The following FCN3 variants were observed in gnomAD, a reference collection of about 807,000 sequenced individuals.
The protein encoded by FCN3 is ficolin-3.
A neutral mutation model predicts 31.5 loss-of-function variants in FCN3; 28 were observed. The observed-to-expected ratio is 0.89, with a 90% confidence interval of 0.66 to 1.22. FCN3 has a LOEUF of 1.22. FCN3 is among the 50% of genes most tolerant of loss of function. The pLI is 0.00. For synonymous variants in FCN3, 124 were observed against 147.4 expected, an observed-to-expected ratio of 0.84 and a Z score of 1.15; for missense variants, 351 against 386.8, an observed-to-expected ratio of 0.91 and a Z score of 0.78.
intron 4 of FCN3, 57 bp from the exon 5 acceptor site, chr1:27,373,320 C>T: frequency 1.2e-6 from 2 of 1,609,810 alleles, no homozygotes; most frequent in Non-Finnish European, 1.7e-6. Flanking sequence ...ACCCCCACCC[C>T]CAGGCACTGG....
intron 7 of FCN3, chr1:27,370,392 G>A (rs1411052879): frequency 5.1e-6 from 3 of 588,968 alleles, no homozygotes; most frequent in African/African-American, 1.9e-5. Flanking sequence ...CTAAATGGCA[G>A]AGATGGATTC....
In FCN3 at chr1:27,374,339, TC is replaced by T. The variant is rs759739873; in HGVS notation, c.187+16del. 26 of 1,580,536 alleles carry T rather than the reference TC, an allele frequency of 1.6e-5. No homozygotes were observed. Among genetic ancestry groups the T allele is most frequent in the Non-Finnish European group, 2.3e-5 (26 of 1,150,692 alleles). On this transcript the variant is annotated intron_variant, in intron 2 of 7. Transcript: ENST00000270879. Reference sequence around the variant, plus strand: ...CCCCATTCCCAAGATCCCAGCCCGCTCCCCAGCCCCTCTCACCTTGAGGACC... The same window carrying T: ...CCCCATTCCCAAGATCCCAGCCCGCTCCCAGCCCCTCTCACCTTGAGGACC...
chr1:27,374,279 C>T (rs1258924335), intron 2 of FCN3, 77 bp downstream of exon 2: 6 of 1,096,698 alleles, frequency 5.5e-6, no homozygotes, highest in Non-Finnish European at 6.9e-6. Flanking sequence ...GTCGTGGCCC[C>T]TCAGCACAGA....
chr1:27,370,526 T>C, intron 7 of FCN3, 70 bp downstream of exon 7: 1 of 1,387,292 alleles, frequency 7.2e-7, no homozygotes, highest in Non-Finnish European at 1.0e-6. Flanking sequence ...CCCTGGGTCA[T>C]TCATGGGGGC....
At position 27,374,412 on chromosome 1, in the gene FCN3, G is replaced by A; in HGVS notation, c.131C>T (p.Pro44Leu). 1 of 1,613,876 alleles carries A rather than the reference G, an allele frequency of 6.2e-7. No homozygotes were observed. ...ACTTCCTGGAGCTCCGGGACAACTG[G>A]GCAGGAGGACAACTTTGCTGGCTTC... ...ELEASKVVLL[P>L]SCPGAPGSPG... Residue 44 changes from proline to leucine, a missense_variant, in exon 2 of 8, where the codon CCC becomes CTC. By Grantham distance (98) the Pro-to-Leu change is moderately conservative (BLOSUM62 -3). Transcript: ENST00000270879.
intron 1 of FCN3, 87 bp from the exon 2 acceptor site, chr1:27,374,538 CA>C: frequency 1.0e-6 from 1 of 954,522 alleles, no homozygotes; most frequent in Non-Finnish European, 1.6e-6. Flanking sequence ...CCCAGATTCC[CA>C]CTGTCAGGAT....
chr1:27,369,546 C>T (rs898072673), intron 7 of FCN3, 69 bp from the exon 8 acceptor site: 2 of 1,439,998 alleles, frequency 1.4e-6, no homozygotes, highest in Admixed American at 1.8e-5. Context: ...AGATATAATG[C>T]CATGGGAGTC....
intron 7 of FCN3, 62 bp downstream of exon 7, chr1:27,370,534 G>C (rs2016122707): frequency 6.9e-7 from 1 of 1,439,504 alleles, no homozygotes. Flanking sequence ...CATTCATGGG[G>C]GCAGTGGCAG....
At chr1:27,373,284 T>C (rs1557577379) in intron 4 of FCN3, 21 bp from the exon 5 acceptor site, 7 of 1,613,796 alleles carry the variant, frequency 4.3e-6, no homozygotes, top group Non-Finnish European at 5.9e-6. Flanking sequence ...GGAGATGGAC[T>C]GGGGTGGTGC....
At chr1:27,371,991 G>C (rs1409134097) in intron 5 of FCN3, among the ~76,000 whole-genome samples, 1 of 151,814 alleles carries the variant, frequency 6.6e-6, no homozygotes, top group Non-Finnish European at 1.5e-5. Context: ...GAACTCCTGA[G>C]CTCAGGCAAT....
chr1:27,370,532 G>A, intron 7 of FCN3, 64 bp downstream of exon 7: 1 of 1,427,760 alleles, frequency 7.0e-7, no homozygotes, highest in South Asian at 1.2e-5. Context: ...GTCATTCATG[G>A]GGGCAGTGGC....
rs1176588547 is a variant in FCN3 at position 27,373,279 on chromosome 1, T to C, written c.266-16A>G. ...TTTCTGGGGCCTGGGAAAGGGGAGA[T>C]GGACTGGGGTGGTGCCCAGGTTATT... On this transcript the variant is annotated splice_polypyrimidine_tract_variant and intron_variant, in intron 4 of 7. Coordinates refer to ENST00000270879, the MANE Select transcript of FCN3 (RefSeq NM_003665.4). 1 of 1,613,756 alleles carries C rather than the reference T, an allele frequency of 6.2e-7. No individual in the cohort carries two copies. The highest frequency in any genetic ancestry group is 2.2e-5 in the East Asian group (1 of 44,878).
rs772437631 is a variant in FCN3 at position 27,374,336 on chromosome 1, C to T, written c.187+20G>A. ...CTTCCCCATTCCCAAGATCCCAGCC[C>T]GCTCCCCAGCCCCTCTCACCTTGAG... On this transcript the variant is annotated intron_variant, in intron 2 of 7. Coordinates refer to ENST00000270879, the MANE Select transcript of FCN3 (RefSeq NM_003665.4). 85 of 1,570,218 alleles carry T rather than the reference C, an allele frequency of 5.4e-5. No homozygotes were observed. The highest frequency in any genetic ancestry group is 6.7e-5 in the Non-Finnish European group (76 of 1,141,338).
chr1:27,372,811 C>G (rs1409396409), intron 5 of FCN3, among the ~76,000 whole-genome samples: 2 of 102,396 alleles, frequency 2.0e-5, no homozygotes, highest in Non-Finnish European at 4.1e-5. Flanking sequence ...GAGTTTCACT[C>G]TTTTCACCCA....
intron 5 of FCN3, among the ~76,000 whole-genome samples, chr1:27,371,437 G>A (rs1341005947): frequency 1.3e-5 from 2 of 152,070 alleles, no homozygotes; most frequent in African/African-American, 2.4e-5. Context: ...TTAGCCGGGT[G>A]TGGTGGCTCA....
At position 27,369,148 on chromosome 1, in the gene FCN3, A is replaced by T; in HGVS notation, c.*88T>A. On this transcript the variant is annotated 3_prime_UTR_variant, in exon 8 of 8. Transcript: ENST00000270879. ...AATGATTTTATTTTTAAATGTGGAC[A>T]GGCAAGCAGAGGTGGTTGGCAAAGG... 6.8e-7 allele frequency: 1 copy of T among 1,462,954 alleles called. No homozygotes were observed. The highest frequency in any genetic ancestry group is 1.2e-5 in the South Asian group (1 of 84,204). The allele number at this position is 1,462,954 out of a possible 1,614,324, so 90.6% of individuals were successfully genotyped here. A position where few individuals can be genotyped will look rare whatever the true frequency, so the allele number is the denominator to read the frequency against.
Position 27,374,363 on chromosome 1 carries a change from A to G in FCN3, c.180T>C (p.Gly60=). 1 of 1,609,134 alleles carries G rather than the reference A, an allele frequency of 6.2e-7. No individual in the cohort carries two copies. Among genetic ancestry groups the G allele is most frequent in the Admixed American group, 1.7e-5 (1 of 59,972 alleles). Residue 60 remains glycine, a synonymous_variant, in exon 2 of 8, where the codon GGT becomes GGC. Transcript: ENST00000270879. ...CTCCCCAGCCCCTCTCACCTTGAGGACCTGGGGCTCCCTTCTCCCCAGGAC... is the reference window on the plus strand; with the variant it reads ...CTCCCCAGCCCCTCTCACCTTGAGGGCCTGGGGCTCCCTTCTCCCCAGGAC... ...PGSPGEKGAP[G]PQGPPGPPGK... is the part of the protein sequence containing the mutation.
Position 27,370,893 on chromosome 1 carries a change from T to C in FCN3, c.473A>G (p.Glu158Gly), listed in dbSNP as rs2016132713. ...CTCATTTCCCAGCCAGAATTCAGAC[T>C]CTTGGTTCCCAAAACCTGCTCTGTA... The part of the protein sequence containing the change: ...SSYRAGFGNQ[E>G]SEFWLGNENL... Residue 158 changes from glutamate (E) to glycine (G), a missense_variant, in exon 6 of 8, where the codon GAG (glutamate) becomes GGG (glycine). Coordinates refer to ENST00000270879, the MANE Select transcript of FCN3 (RefSeq NM_003665.4). The C allele has an allele frequency of 6.2e-7, 1 of 1,614,012 alleles. No individual in the cohort carries two copies. The highest frequency in any genetic ancestry group is 1.7e-5 in the Admixed American group (1 of 60,018).
chr1:27,374,475 G>A (rs1171933516), intron 1 of FCN3, 24 bp from the exon 2 acceptor site: 1 of 1,507,510 alleles, frequency 6.6e-7, no homozygotes, highest in Non-Finnish European at 9.2e-7. Context: ...CAGGCAGGGT[G>A]GGCACAGGGT....
Sources: allele counts gnomAD v4.1 joint callset (sites outside exome capture counted in the v4.1 genomes callset), GRCh38; gene constraint gnomAD v4.1.1; transcripts MANE v1.5; gene names NCBI Gene and HGNC (gene_info 2026-07-23, HGNC 2026-07-21).